Variants in PLEKHM3 observed in about 807,000 individuals in gnomAD.
The protein encoded by PLEKHM3 is pleckstrin homology domain-containing family M member 3.
PLEKHM3 carries 45 observed loss-of-function variants against 81.8 expected under a neutral mutation model. The ratio of observed to expected loss-of-function variants is 0.55; its 90% CI spans 0.43 to 0.71. The LOEUF is 0.71. PLEKHM3 is among the 30% of genes least tolerant of loss of function. The probability of loss-of-function intolerance (pLI) is 0.00; values close to 1 mark genes in which losing one functional copy is unlikely to be tolerated. For synonymous variants in PLEKHM3, 352 were observed against 356.4 expected, an observed-to-expected ratio of 0.99 and a Z score of 0.14; for missense variants, 788 against 924.3, an observed-to-expected ratio of 0.85 and a Z score of 1.91.
At chr2:207,994,591 C>T (rs907554500) in intron 2 of PLEKHM3, among the ~76,000 whole-genome samples, 2 of 152,028 alleles carry the variant, frequency 1.3e-5, no homozygotes, top group Admixed American at 6.6e-5. Context: ...CCCAGTCACA[C>T]CCTGCTATAG....
chr2:207,835,137 G>A (rs924127131), intron 7 of PLEKHM3, among the ~76,000 whole-genome samples: 1 of 151,750 alleles, frequency 6.6e-6, no homozygotes, highest in Non-Finnish European at 1.5e-5. Context: ...TAGAGACGGG[G>A]TTTCACCACG....
chr2:207,952,659 C>A (rs905542845), intron 3 of PLEKHM3, among the ~76,000 whole-genome samples: 1 of 152,122 alleles, frequency 6.6e-6, no homozygotes. Context: ...ACACAGGGCA[C>A]AAGCAATTTT....
chr2:207,830,265 C>T (rs1312106488), intron 7 of PLEKHM3, among the ~76,000 whole-genome samples: 1 of 152,088 alleles, frequency 6.6e-6, no homozygotes, highest in African/African-American at 2.4e-5. Flanking sequence ...ATGTTAAACC[C>T]CTTACCCACA....
Position 207,825,504 on chromosome 2 carries a change from A to T in PLEKHM3, c.*2815T>A, listed in dbSNP as rs1300521399. 2 of 152,242 alleles carry T rather than the reference A, an allele frequency of 1.3e-5. No individual in the cohort carries two copies. Among genetic ancestry groups the T allele is most frequent in the African/African-American group, 4.8e-5 (2 of 41,466 alleles). 9.4% of individuals were successfully genotyped at this position (152,242 alleles called of 1,614,324 possible). ...AATCCACAGATTTGCTTTTGTTTCG[A>T]CAGTTTCTAAGCAGTGGAACAATTA... On this transcript the variant is annotated 3_prime_UTR_variant, in exon 8 of 8. Transcript: ENST00000427836.
intron 6 of PLEKHM3, among the ~76,000 whole-genome samples, chr2:207,883,617 A>C (rs1394131960): frequency 1.3e-5 from 2 of 152,232 alleles, no homozygotes; most frequent in Non-Finnish European, 2.9e-5. Flanking sequence ...AGTATAAGCC[A>C]GAGAAGCAGC....
intron 5 of PLEKHM3, among the ~76,000 whole-genome samples, chr2:207,916,559 G>A (rs1688999670): frequency 6.6e-6 from 1 of 152,088 alleles, no homozygotes; most frequent in South Asian, 2.1e-4. Context: ...GGCCAACATG[G>A]TTGAAACTCC....
intron 2 of PLEKHM3, 92 bp downstream of exon 2, chr2:208,000,938 G>A: frequency 8.6e-7 from 1 of 1,168,504 alleles, no homozygotes; most frequent in Non-Finnish European, 1.2e-6. Context: ...TGATTCAGTA[G>A]AAGTCAGATA....
At chr2:207,988,541 T>G (rs1021428106) in intron 2 of PLEKHM3, among the ~76,000 whole-genome samples, 1 of 152,222 alleles carries the variant, frequency 6.6e-6, no homozygotes, top group Non-Finnish European at 1.5e-5. Flanking sequence ...TTCCTTGCTA[T>G]AGCAGACCCT....
At position 208,001,472 on chromosome 2, in the gene PLEKHM3, G is replaced by A; in HGVS notation, c.168C>T (p.Asp56=). ...VGHEVLSNIT[D]NGAMRNVTSL... is the part of the protein sequence containing the mutation. The stretch of plus-strand genomic sequence containing the variant: ...AGGTGACATTTCTCATAGCACCATT[G>A]TCTGTTATGTTACTGAGTACCTCAT... The change falls in exon 2 of 8, where the codon GAC becomes GAT. Residue 56 remains aspartate, a synonymous_variant. Transcript: ENST00000427836. 1 of 1,614,166 alleles carries A rather than the reference G, an allele frequency of 6.2e-7. No homozygotes were observed. The highest frequency in any genetic ancestry group is 2.2e-5 in the East Asian group (1 of 44,884).
At chr2:207,943,678 C>A (rs1690019159) in intron 4 of PLEKHM3, among the ~76,000 whole-genome samples, 1 of 151,924 alleles carries the variant, frequency 6.6e-6, no homozygotes, top group African/African-American at 2.4e-5. Context: ...ACCATCCCGG[C>A]TAGAACGGTG....
chr2:207,892,286 G>C (rs1688082777), intron 6 of PLEKHM3, among the ~76,000 whole-genome samples: 1 of 152,092 alleles, frequency 6.6e-6, no homozygotes, highest in African/African-American at 2.4e-5. Context: ...TTTGTAAAGG[G>C]GATGATATTC....
At chr2:207,892,060 G>A (rs1183557769) in intron 6 of PLEKHM3, among the ~76,000 whole-genome samples, 3 of 151,954 alleles carry the variant, frequency 2.0e-5, no homozygotes, top group East Asian at 1.9e-4. Flanking sequence ...GGGTATGAGG[G>A]GCTGGTGATT....
chr2:207,934,956 G>A (rs918011778), intron 4 of PLEKHM3, among the ~76,000 whole-genome samples: 2 of 152,188 alleles, frequency 1.3e-5, no homozygotes, highest in Non-Finnish European at 2.9e-5. Context: ...ATAACGTAAT[G>A]GGGCAAAGGG....
At position 207,976,033 on chromosome 2, in the gene PLEKHM3, A is replaced by G. The variant is rs1240017009; in HGVS notation, c.1546+618T>C. ...AAACTCCACTTTGCATCTCATCCTT[A>G]CATAGCAGTTCCAGAAGGCCTGGGC... On this transcript the variant is annotated intron_variant, in intron 3 of 7. Transcript: ENST00000427836. The surrounding 1 kb of genome is among the most constrained non-coding windows in gnomAD (Gnocchi z 4.1). 6.6e-6 allele frequency among the ~76,000 whole-genome samples: 1 copy of G among 152,038 alleles called. No individual in the cohort carries two copies. Among genetic ancestry groups the G allele is most frequent in the Non-Finnish European group, 1.5e-5 (1 of 68,036 alleles).
At chr2:207,832,064 T>A (rs1363115989) in intron 7 of PLEKHM3, among the ~76,000 whole-genome samples, 1 of 152,194 alleles carries the variant, frequency 6.6e-6, no homozygotes, top group African/African-American at 2.4e-5. Context: ...GATTGGGTCT[T>A]ATCGGATATT....
chr2:207,947,365 C>G (rs1690169569), intron 3 of PLEKHM3, among the ~76,000 whole-genome samples: 1 of 152,222 alleles, frequency 6.6e-6, no homozygotes, highest in African/African-American at 2.4e-5. Context: ...GTCCATGACT[C>G]TGTGAGCGCT....
chr2:207,981,050 C>A (rs1270727046), intron 2 of PLEKHM3, among the ~76,000 whole-genome samples: 1 of 151,218 alleles, frequency 6.6e-6, no homozygotes, highest in Non-Finnish European at 1.5e-5. Context: ...ATCACTTGAA[C>A]CCAGGAGGCA....
At chr2:208,012,065 G>A (rs554897998) in intron 1 of PLEKHM3, among the ~76,000 whole-genome samples, 4 of 151,936 alleles carry the variant, frequency 2.6e-5, no homozygotes, top group South Asian at 4.2e-4. Flanking sequence ...TTTTTGAGAC[G>A]GAGTCTCGCT....
At chr2:207,999,744 G>C (rs1432073652) in intron 2 of PLEKHM3, among the ~76,000 whole-genome samples, 1 of 152,168 alleles carries the variant, frequency 6.6e-6, no homozygotes, top group Non-Finnish European at 1.5e-5. Flanking sequence ...GAATTAGAGT[G>C]GAAAAGATTT....
Sources: gnomAD v4.1 joint callset for allele counts (sites outside exome capture counted in the v4.1 genomes callset) on GRCh38, gnomAD v4.1.1 for gene constraint, Gnocchi (gnomAD v3.1) non-coding constraint, MANE v1.5 for transcripts, NCBI Gene and HGNC (gene_info 2026-07-23, HGNC 2026-07-21) for gene names.